GLRA1: variants seen among roughly 807,000 people sequenced by gnomAD.
GLRA1 encodes glycine receptor alpha 1, also known as glycine receptor subunit alpha-1.
Under a neutral mutation model 48.3 loss-of-function variants are expected in GLRA1, and 37 were observed. The ratio of observed to expected loss-of-function variants is 0.77; its 90% confidence interval spans 0.59 to 1.01. The LOEUF (loss-of-function observed/expected upper bound fraction) is 1.01. GLRA1 is among the 50% of genes least tolerant of loss of function. The pLI is 0.00. For missense variants in GLRA1, 427 were observed against 571.0 expected, an observed-to-expected ratio of 0.75 and a Z score of 2.57; for synonymous variants, 196 against 210.7, an observed-to-expected ratio of 0.93 and a Z score of 0.60.
chr5:151,884,155 G>T (rs1261111419), intron 3 of GLRA1, among the ~76,000 whole-genome samples: 1 of 152,146 alleles, frequency 6.6e-6, no homozygotes, highest in Non-Finnish European at 1.5e-5. Flanking sequence ...TAGGTTGGGT[G>T]CAGTGGCTCA....
chr5:151,850,564 C>CCAA, intron 7 of GLRA1: 1 of 1,339,080 alleles, frequency 7.5e-7, no homozygotes, highest in Non-Finnish European at 1.1e-6. Context: ...TGGACAAAGC[C>CCAA]CAACACCTAG....
chr5:151,872,858 G>A (rs1281790135), intron 3 of GLRA1, among the ~76,000 whole-genome samples: 5 of 149,726 alleles, frequency 3.3e-5, no homozygotes, highest in Non-Finnish European at 4.4e-5. Context: ...CGAGAGAGGC[G>A]TCAAGCTGTG....
At chr5:151,910,571 T>C (rs1200811809) in intron 1 of GLRA1, among the ~76,000 whole-genome samples, 1 of 152,172 alleles carries the variant, frequency 6.6e-6, no homozygotes, top group Non-Finnish European at 1.5e-5. Context: ...ATCCTGGCCA[T>C]TTTTGACTTT....
In GLRA1 at chr5:151,874,549, A is replaced by G. The variant is rs547035011; in HGVS notation, c.252+12172T>C. On this transcript the variant is annotated intron_variant, in intron 3 of 8. Coordinates refer to ENST00000274576, the MANE Select transcript of GLRA1 (RefSeq NM_000171.4). Reference sequence around the variant, plus strand: ...TTGTGATTTAAGCAGTGTGGTGGGCACTGGAAATATAGAGGTGATTGAGGG... The same window carrying G: ...TTGTGATTTAAGCAGTGTGGTGGGCGCTGGAAATATAGAGGTGATTGAGGG... Among the ~76,000 whole-genome samples the G allele has an allele frequency of 8.5e-5, 13 of 152,300 alleles. No homozygotes were observed. In the East Asian group the frequency reaches 2.1e-3, roughly 25 times the overall value.
At chr5:151,886,971 G>C (rs961035633) in intron 2 of GLRA1, among the ~76,000 whole-genome samples, 183 bp from the exon 3 acceptor site, 2 of 152,190 alleles carry the variant, frequency 1.3e-5, no homozygotes, top group African/African-American at 4.8e-5. Context: ...CTCTATGCCA[G>C]ACTTCCTGGT....
In GLRA1 at chr5:151,850,132, G is replaced by T. The variant is rs1460234224; in HGVS notation, c.912+1258C>A. 1.4e-5 allele frequency: 22 copies of T among 1,604,038 alleles called. No individual in the cohort carries two copies. In the Admixed American group the frequency reaches 3.5e-4, roughly 26 times the overall value. On this transcript the variant is annotated intron_variant, in intron 7 of 8. Coordinates refer to ENST00000274576, the MANE Select transcript of GLRA1 (RefSeq NM_000171.4). Reference sequence around the variant, plus strand: ...TACCACTTTGGTTGGCCTTCCAATGGCTTCCCAGGACCCCAGGGTCCATAT... The same window carrying T: ...TACCACTTTGGTTGGCCTTCCAATGTCTTCCCAGGACCCCAGGGTCCATAT...
chr5:151,878,672 G>T (rs1707086036), intron 3 of GLRA1, among the ~76,000 whole-genome samples: 1 of 152,152 alleles, frequency 6.6e-6, no homozygotes, highest in South Asian at 2.1e-4. Flanking sequence ...ATGACTAAAA[G>T]GTGCCAAAGT....
chr5:151,831,471 T>A (rs1030574978), intron 7 of GLRA1, among the ~76,000 whole-genome samples: 1 of 151,484 alleles, frequency 6.6e-6, no homozygotes, highest in Admixed American at 6.6e-5. Context: ...GGGGGAGGAG[T>A]GTCCACCATT....
intron 7 of GLRA1, among the ~76,000 whole-genome samples, chr5:151,843,471 C>T (rs1752564827): frequency 6.6e-6 from 1 of 151,998 alleles, no homozygotes; most frequent in South Asian, 2.1e-4. Flanking sequence ...CCATGTTAGT[C>T]AGGATGGTCT....
At chr5:151,865,290 A>G (rs1753307403) in intron 3 of GLRA1, among the ~76,000 whole-genome samples, 1 of 152,222 alleles carries the variant, frequency 6.6e-6, no homozygotes, top group Admixed American at 6.5e-5. Flanking sequence ...TATAGAAGAC[A>G]GGTTCCCATC....
At chr5:151,847,086 G>A (rs988602091) in intron 7 of GLRA1, among the ~76,000 whole-genome samples, 1 of 152,212 alleles carries the variant, frequency 6.6e-6, no homozygotes, top group African/African-American at 2.4e-5. Flanking sequence ...GGGTGTGAGG[G>A]TGTTTATTGT....
chr5:151,853,902 TACACACACACACA>T (rs1561557287), intron 6 of GLRA1, among the ~76,000 whole-genome samples: 3 of 151,808 alleles, frequency 2.0e-5, no homozygotes, highest in Non-Finnish European at 4.4e-5. Context: ...CACACACACA[TACACACACACACA>T]ATGAGAAGTA....
In GLRA1 at chr5:151,822,635, G is replaced by T. The variant is rs745674651; in HGVS notation, c.*38C>A. ...TCTCAGATTCCTGTGCTATTCCCACGTTCCCCTCTCCCAGCCTCCCCCAAC... is the reference window on the plus strand; with the variant it reads ...TCTCAGATTCCTGTGCTATTCCCACTTTCCCCTCTCCCAGCCTCCCCCAAC... On this transcript the variant is annotated 3_prime_UTR_variant, in exon 9 of 9. Coordinates refer to ENST00000274576, the MANE Select transcript of GLRA1 (RefSeq NM_000171.4). The T allele has an allele frequency of 6.3e-6, 9 of 1,418,190 alleles. 1 individual carries two copies. The highest frequency in any genetic ancestry group is 4.6e-5 in the South Asian group (4 of 86,826). 87.9% of individuals were successfully genotyped at this position (1,418,190 alleles called of 1,614,324 possible).
chr5:151,914,511 C>A (rs562625715), intron 1 of GLRA1, among the ~76,000 whole-genome samples: 2 of 152,228 alleles, frequency 1.3e-5, no homozygotes, highest in Admixed American at 6.5e-5. Context: ...GAGAACACAG[C>A]TAAAAATGTC....
chr5:151,891,853 C>T (rs1331296643), intron 2 of GLRA1, among the ~76,000 whole-genome samples: 1 of 152,094 alleles, frequency 6.6e-6, no homozygotes, highest in Non-Finnish European at 1.5e-5. Flanking sequence ...CCTTTGGGGG[C>T]ACCTGCTGGA....
rs544421445 is a variant in GLRA1 at position 151,850,633 on chromosome 5, T to C, written c.912+757A>G. On this transcript the variant is annotated intron_variant, in intron 7 of 8. Transcript: ENST00000274576. ...TTTCTGCTGGTGTAGCCAATCGTAG[T>C]GCCAACATACACATTCCCTGGACTG... is the stretch of plus-strand genomic sequence containing the variant. The C allele has an allele frequency of 4.8e-5, 70 of 1,457,646 alleles. No individual in the cohort carries two copies. The South Asian group carries it at 6.6e-4, about 14-fold the overall frequency. 90.3% of individuals were successfully genotyped at this position (1,457,646 alleles called of 1,614,324 possible). A position where few individuals can be genotyped will look rare whatever the true frequency, so the allele number is the denominator to read the frequency against.
intron 3 of GLRA1, among the ~76,000 whole-genome samples, chr5:151,863,068 T>A (rs1753244541): frequency 6.6e-6 from 1 of 152,172 alleles, no homozygotes. Context: ...TAGATCTCAA[T>A]AGCAGAAAAC....
chr5:151,881,400 G>A (rs1282896660), intron 3 of GLRA1, among the ~76,000 whole-genome samples: 1 of 149,512 alleles, frequency 6.7e-6, no homozygotes, highest in East Asian at 1.9e-4. Context: ...GCTCACTGCA[G>A]CCTTGACCTC....
intron 1 of GLRA1, among the ~76,000 whole-genome samples, chr5:151,913,493 A>G (rs1000985339): frequency 2.0e-5 from 3 of 152,182 alleles, no homozygotes; most frequent in Non-Finnish European, 4.4e-5. Context: ...TGTAAATAGC[A>G]GTGGGGGCTG....
Sources: allele counts gnomAD v4.1 joint callset (sites outside exome capture counted in the v4.1 genomes callset), GRCh38; gene constraint gnomAD v4.1.1; transcripts MANE v1.5; gene names NCBI Gene and HGNC (gene_info 2026-07-23, HGNC 2026-07-21).